Variants in ATF7IP observed in about 807,000 individuals in gnomAD.
ATF7IP encodes activating transcription factor 7-interacting protein 1.
A neutral mutation model predicts 106.4 loss-of-function variants in ATF7IP; 23 were observed. The ratio of observed to expected loss-of-function variants is 0.22; its 90% CI spans 0.16 to 0.31. The LOEUF (loss-of-function observed/expected upper bound fraction) is 0.31, where lower values mean the gene tolerates loss of function less well. ATF7IP is among the 10% of genes least tolerant of loss of function. ATF7IP has a pLI of 1.00. For synonymous variants in ATF7IP, 542 were observed against 539.0 expected, an observed-to-expected ratio of 1.01 and a Z score of -0.08; for missense variants, 1,334 against 1,524.3, an observed-to-expected ratio of 0.88 and a Z score of 2.08.
At chr12:14,420,781 C>T (rs1285594057) in intron 1 of ATF7IP, among the ~76,000 whole-genome samples, 1 of 152,210 alleles carries the variant, frequency 6.6e-6, no homozygotes, top group Non-Finnish European at 1.5e-5. Flanking sequence ...TAACTGTAAG[C>T]ATCAGATCCA....
chr12:14,497,537 T>C, intron 14 of ATF7IP, 117 bp from the exon 15 acceptor site: 5 of 1,106,648 alleles, frequency 4.5e-6, no homozygotes, highest in Non-Finnish European at 3.8e-6. Context: ...TGGTATTTCC[T>C]AGAATTCTTG....
At chr12:14,371,333 A>G (rs1209090317) in intron 1 of ATF7IP, among the ~76,000 whole-genome samples, 1 of 152,146 alleles carries the variant, frequency 6.6e-6, no homozygotes, top group East Asian at 1.9e-4. Context: ...TGGATATAAA[A>G]TATTAAGATA....
At chr12:14,443,283 G>A (rs771342039) in intron 5 of ATF7IP, among the ~76,000 whole-genome samples, 11 of 152,206 alleles carry the variant, frequency 7.2e-5, no homozygotes, top group Admixed American at 5.2e-4. Context: ...TGAGGAACAG[G>A]TAATTCTTGT....
In ATF7IP at chr12:14,404,993, T is replaced by G. The variant is rs189701682; in HGVS notation, c.-7-18916T>G. ...GCTTTCTTAAAATATATTAAACTTT[T>G]TTTAATCGCTTTTAACAGCCCATCC... On this transcript the variant is annotated intron_variant, in intron 1 of 14. Coordinates refer to ENST00000261168, the MANE Select transcript of ATF7IP (RefSeq NM_018179.5). 1.1e-4 allele frequency among the ~76,000 whole-genome samples: 16 copies of G among 152,350 alleles called. No individual in the cohort carries two copies. In the East Asian group the frequency reaches 2.9e-3, roughly 28 times the overall value.
chr12:14,424,759 G>C lies in ATF7IP; in HGVS notation c.844G>C (p.Glu282Gln), dbSNP rs1267835382. Residue 282 changes from glutamate (E) to glutamine (Q), a missense_variant, in exon 2 of 15, where the codon GAA becomes CAA. Physicochemically the swap from Glu to Gln is conservative, Grantham distance 29. Around this residue, in one of 10 missense-constraint regions of ATF7IP, gnomAD observed 438 missense variants for 405.3 expected, o/e 1.08. Coordinates refer to ENST00000261168, the MANE Select transcript of ATF7IP (RefSeq NM_018179.5). ...GELASDELTS[E>Q]STFDRTFEPK... ...ACTGGCCTCTGATGAGCTGACTTCT[G>C]AATCAACCTTTGATCGTACCTTTGA... 1 of 1,614,110 alleles carries C rather than the reference G, an allele frequency of 6.2e-7. No homozygotes were observed. Among genetic ancestry groups the C allele is most frequent in the Non-Finnish European group, 8.5e-7 (1 of 1,180,028 alleles).
At chr12:14,384,819 A>T (rs1329552333) in intron 1 of ATF7IP, among the ~76,000 whole-genome samples, 3 of 150,344 alleles carry the variant, frequency 2.0e-5, no homozygotes, top group Non-Finnish European at 4.4e-5. Context: ...GATTTAAACA[A>T]TTTTCTAGAA....
chr12:14,412,513 T>C (rs946772404), intron 1 of ATF7IP, among the ~76,000 whole-genome samples: 59 of 152,172 alleles, frequency 3.9e-4, no homozygotes, highest in African/African-American at 1.2e-3. Context: ...AATTAATTTT[T>C]GATATTACTC....
intron 9 of ATF7IP, chr12:14,466,140 G>A (rs575683385): frequency 6.2e-6 from 1 of 160,750 alleles, no homozygotes; most frequent in South Asian, 1.8e-4. Context: ...TGTTTCTACT[G>A]AATTTATTGG....
intron 6 of ATF7IP, among the ~76,000 whole-genome samples, chr12:14,453,500 C>T (rs1322704432): frequency 6.6e-6 from 1 of 152,058 alleles, no homozygotes; most frequent in African/African-American, 2.4e-5. Flanking sequence ...GTGTATTCTT[C>T]AGCTTTTTAA....
intron 6 of ATF7IP, among the ~76,000 whole-genome samples, chr12:14,451,744 T>C (rs1943211139): frequency 6.6e-6 from 1 of 152,166 alleles, no homozygotes; most frequent in African/African-American, 2.4e-5. Flanking sequence ...ATTTCATTCT[T>C]TCTAAATTTG....
At chr12:14,396,240 G>A (rs1301493140) in intron 1 of ATF7IP, among the ~76,000 whole-genome samples, 2 of 151,398 alleles carry the variant, frequency 1.3e-5, no homozygotes, top group Non-Finnish European at 2.9e-5. Flanking sequence ...TAGAAGTCAA[G>A]CAGCAGGCTC....
intron 12 of ATF7IP, among the ~76,000 whole-genome samples, chr12:14,480,724 T>C (rs1007006011): frequency 6.6e-6 from 1 of 152,218 alleles, no homozygotes; most frequent in Non-Finnish European, 1.5e-5. Context: ...CTGCACCTTT[T>C]TAAAAAATCT....
At chr12:14,484,005 A>G (rs141152225) in intron 13 of ATF7IP, among the ~76,000 whole-genome samples, 9 of 152,294 alleles carry the variant, frequency 5.9e-5, no homozygotes, top group Admixed American at 4.6e-4. Context: ...AGGCAAACCC[A>G]TATCTGGAGT....
At chr12:14,414,521 C>T (rs1941097591) in intron 1 of ATF7IP, among the ~76,000 whole-genome samples, 2 of 152,158 alleles carry the variant, frequency 1.3e-5, no homozygotes, top group Admixed American at 6.5e-5. Context: ...TGACCCAAGA[C>T]AGTTCTTTCA....
intron 11 of ATF7IP, chr12:14,476,429 A>G (rs1944265469): frequency 6.6e-6 from 1 of 151,930 alleles, no homozygotes; most frequent in African/African-American, 2.4e-5. Context: ...AAAAAAAAAA[A>G]AAAAAAGGAT....
At chr12:14,369,556 T>A (rs1732181240) in intron 1 of ATF7IP, among the ~76,000 whole-genome samples, 1 of 152,174 alleles carries the variant, frequency 6.6e-6, no homozygotes, top group Non-Finnish European at 1.5e-5. Context: ...CAGGCTCGTC[T>A]TGAACTCCTG....
intron 1 of ATF7IP, among the ~76,000 whole-genome samples, chr12:14,398,985 T>G (rs1940029843): frequency 6.6e-6 from 1 of 152,258 alleles, no homozygotes; most frequent in East Asian, 1.9e-4. Context: ...GATTGATAAT[T>G]TTCTTTATTT....
intron 1 of ATF7IP, among the ~76,000 whole-genome samples, chr12:14,394,666 T>C (rs1939742096): frequency 6.6e-6 from 1 of 152,228 alleles, no homozygotes; most frequent in Admixed American, 6.5e-5. Flanking sequence ...GTTTGGAATG[T>C]ATAAGAATTC....
chr12:14,452,142 C>T (rs1591893053), intron 6 of ATF7IP, among the ~76,000 whole-genome samples: 1 of 152,140 alleles, frequency 6.6e-6, no homozygotes, highest in Admixed American at 6.5e-5. Flanking sequence ...TCTATTTTGT[C>T]ATACATAAGT....
Sources: gnomAD v4.1 joint callset for allele counts (sites outside exome capture counted in the v4.1 genomes callset) on GRCh38, gnomAD v4.1.1 for gene constraint, gnomAD v4.1.1 regional missense constraint, MANE v1.5 for transcripts, NCBI Gene and HGNC (gene_info 2026-07-23, HGNC 2026-07-21) for gene names.